Variants in DCLK1 observed in about 807,000 individuals in gnomAD.
The protein encoded by DCLK1 is doublecortin like kinase 1, also known as serine/threonine-protein kinase DCLK1.
A neutral mutation model predicts 86.2 loss-of-function variants in DCLK1; 16 were observed. The observed-to-expected ratio is 0.19, with a 90% confidence interval of 0.13 to 0.28. DCLK1 has a LOEUF of 0.28. DCLK1 is among the 10% of genes least tolerant of loss of function. The pLI, the probability that DCLK1 is intolerant of heterozygous loss-of-function variation, is 1.00. For synonymous variants in DCLK1, 369 were observed against 370.5 expected, an observed-to-expected ratio of 1.00 and a Z score of 0.05; for missense variants, 590 against 940.2, an observed-to-expected ratio of 0.63 and a Z score of 4.87.
At chr13:36,031,463 G>A (rs929607344) in intron 3 of DCLK1, among the ~76,000 whole-genome samples, 1 of 152,086 alleles carries the variant, frequency 6.6e-6, no homozygotes, top group African/African-American at 2.4e-5. Flanking sequence ...TTATATGTAC[G>A]TACATATATA....
chr13:35,889,167 A>G (rs1203742163), intron 4 of DCLK1, among the ~76,000 whole-genome samples: 4 of 152,206 alleles, frequency 2.6e-5, no homozygotes, highest in Non-Finnish European at 5.9e-5. Flanking sequence ...ATTGAACACT[A>G]TGGTCTCTTA....
intron 3 of DCLK1, among the ~76,000 whole-genome samples, chr13:35,984,325 G>A (rs142961091): frequency 1.6e-4 from 25 of 152,288 alleles, no homozygotes; most frequent in African/African-American, 5.3e-4. Flanking sequence ...AGAACTTGAC[G>A]AGGCCTCATT....
chr13:35,862,459 T>A (rs939257674), intron 5 of DCLK1, among the ~76,000 whole-genome samples: 3 of 152,226 alleles, frequency 2.0e-5, no homozygotes, highest in Non-Finnish European at 4.4e-5. Flanking sequence ...AATGGCCTCA[T>A]AGAGCCTTCC....
At chr13:36,023,791 A>C (rs1226547101) in intron 3 of DCLK1, among the ~76,000 whole-genome samples, 1 of 152,100 alleles carries the variant, frequency 6.6e-6, no homozygotes, top group Admixed American at 6.5e-5. Context: ...AACAGCATCC[A>C]CAAAAACTCC....
At chr13:35,774,894 T>C (rs1371575351) in intron 16 of DCLK1, among the ~76,000 whole-genome samples, 195 bp from the exon 17 acceptor site, 1 of 152,170 alleles carries the variant, frequency 6.6e-6, no homozygotes, top group Admixed American at 6.5e-5. Flanking sequence ...TTAAGGGACC[T>C]GGTCATGACA....
Position 35,887,878 on chromosome 13 carries a change from CAAAAAAAAAA to C in DCLK1, c.824-16548_824-16539del, listed in dbSNP as rs760195385. On this transcript the variant is annotated intron_variant, in intron 4 of 16. Coordinates refer to ENST00000360631, the MANE Select transcript of DCLK1 (RefSeq NM_001330071.2). ...TGGACAGCATAGTAAGATCTTGTCT[CAAAAAAAAAA>C]AAAAAAAAAAAAAAAAAAAAAAGAA... is the stretch of plus-strand genomic sequence containing the variant. Among the ~76,000 whole-genome samples, 20 of 38,740 alleles carry C rather than the reference CAAAAAAAAAA, an allele frequency of 5.2e-4. No homozygotes were observed. The South Asian group carries it at 6.7e-3, about 13-fold the overall frequency. The allele number at this position is 38,740 out of a possible 152,430, so 25.4% of individuals were successfully genotyped here. A position where few individuals can be genotyped will look rare whatever the true frequency, so the allele number is the denominator to read the frequency against.
chr13:35,902,743 G>A (rs907611781), intron 4 of DCLK1, among the ~76,000 whole-genome samples: 4 of 152,114 alleles, frequency 2.6e-5, no homozygotes, highest in African/African-American at 9.7e-5. Flanking sequence ...GCTGCTTATG[G>A]AAAGACACAG....
intron 2 of DCLK1, among the ~76,000 whole-genome samples, chr13:36,122,873 G>A (rs191762025): frequency 6.6e-6 from 1 of 152,136 alleles, no homozygotes; most frequent in East Asian, 1.9e-4. Context: ...ATATGATTTT[G>A]GCTCAGCTAA....
intron 3 of DCLK1, among the ~76,000 whole-genome samples, chr13:35,954,497 C>A (rs1877874331): frequency 6.6e-6 from 1 of 152,126 alleles, no homozygotes; most frequent in South Asian, 2.1e-4. Context: ...TCATGTAATT[C>A]CATATGTTTC....
At chr13:36,058,074 A>T (rs1449484367) in intron 3 of DCLK1, among the ~76,000 whole-genome samples, 3 of 152,202 alleles carry the variant, frequency 2.0e-5, no homozygotes, top group African/African-American at 7.2e-5. Flanking sequence ...CTCTAATAGG[A>T]CATTCAGAGG....
intron 3 of DCLK1, among the ~76,000 whole-genome samples, chr13:36,072,419 C>T (rs1341502797): frequency 6.6e-6 from 1 of 152,174 alleles, no homozygotes; most frequent in African/African-American, 2.4e-5. Context: ...CTTCCCTTCT[C>T]TAATGACACG....
At chr13:36,052,730 G>A (rs776959997) in intron 3 of DCLK1, among the ~76,000 whole-genome samples, 1 of 152,176 alleles carries the variant, frequency 6.6e-6, no homozygotes, top group Non-Finnish European at 1.5e-5. Flanking sequence ...AAAGAAAACT[G>A]TACCTCTAGG....
chr13:36,098,603 T>C (rs1023473167), intron 3 of DCLK1, among the ~76,000 whole-genome samples: 1 of 152,210 alleles, frequency 6.6e-6, no homozygotes, highest in African/African-American at 2.4e-5. Flanking sequence ...CAGTTGCCAA[T>C]CCTCAAAATA....
At chr13:35,855,030 A>G (rs572790277) in intron 5 of DCLK1, among the ~76,000 whole-genome samples, 1 of 152,318 alleles carries the variant, frequency 6.6e-6, no homozygotes, top group Non-Finnish European at 1.5e-5. Context: ...AGATCACTGT[A>G]TTTGTATAAT....
At chr13:36,037,263 T>C (rs1461249354) in intron 3 of DCLK1, among the ~76,000 whole-genome samples, 2 of 151,986 alleles carry the variant, frequency 1.3e-5, no homozygotes, top group Non-Finnish European at 2.9e-5. Flanking sequence ...TTGAGGAGGA[T>C]GAAAGAAGTT....
chr13:35,890,580 C>G (rs764194994), intron 4 of DCLK1, among the ~76,000 whole-genome samples: 8 of 152,058 alleles, frequency 5.3e-5, no homozygotes, highest in Non-Finnish European at 8.8e-5. Flanking sequence ...TATTTGTGCA[C>G]AAAATTTCTA....
At chr13:36,011,971 C>CCATT (rs1881292277) in intron 3 of DCLK1, among the ~76,000 whole-genome samples, 1 of 150,044 alleles carries the variant, frequency 6.7e-6, no homozygotes, top group Non-Finnish European at 1.5e-5. Context: ...GATCCCTTTA[C>CCATT]CATTATATAA....
intron 6 of DCLK1, 57 bp from the exon 7 acceptor site, chr13:35,839,233 A>G: frequency 6.9e-7 from 1 of 1,458,404 alleles, no homozygotes; most frequent in Non-Finnish European, 9.4e-7. Flanking sequence ...CTGAGTTTCC[A>G]GGGACCATGC....
chr13:35,938,941 T>C (rs573238622), intron 4 of DCLK1, among the ~76,000 whole-genome samples: 44 of 152,218 alleles, frequency 2.9e-4, no homozygotes, highest in Non-Finnish European at 6.2e-4. Flanking sequence ...ATACAATGCC[T>C]TGATTTTCTA....
Sources: allele counts gnomAD v4.1 joint callset (sites outside exome capture counted in the v4.1 genomes callset), GRCh38; gene constraint gnomAD v4.1.1; transcripts MANE v1.5; gene names NCBI Gene and HGNC (gene_info 2026-07-23, HGNC 2026-07-21).